AFTPH: variants seen among roughly 807,000 people sequenced by gnomAD.
AFTPH encodes aftiphilin protein.
AFTPH carries 7 observed loss-of-function variants against 72.5 expected under a neutral mutation model. The observed-to-expected ratio is 0.10, with a 90% CI of 0.05 to 0.18. The LOEUF (loss-of-function observed/expected upper bound fraction) is 0.18. Ranked by LOEUF, AFTPH falls within the 10% of genes least tolerant of loss-of-function variation. The probability of loss-of-function intolerance (pLI) is 1.00; values close to 1 mark genes in which losing one functional copy is unlikely to be tolerated. For synonymous variants in AFTPH, 337 were observed against 370.1 expected (o/e 0.91, Z 1.03); for missense variants, 979 against 1,060.5 (o/e 0.92, Z 1.07).
At chr2:64,570,910 T>TTCCCC (rs1672376926) in intron 5 of AFTPH, among the ~76,000 whole-genome samples, 3 of 38,594 alleles carry the variant, frequency 7.8e-5, no homozygotes, top group Non-Finnish European at 1.4e-4. Context: ...ACTTCTTTCC[T>TTCCCC]CCCCTCCCCC....
chr2:64,536,557 A>C (rs987298178), intron 1 of AFTPH, among the ~76,000 whole-genome samples: 3 of 133,984 alleles, frequency 2.2e-5, no homozygotes, highest in African/African-American at 6.2e-5. Context: ...GCAGAGCGAG[A>C]CTCCATCTTA....
At chr2:64,538,316 A>G (rs1048267639) in intron 1 of AFTPH, among the ~76,000 whole-genome samples, 4 of 152,152 alleles carry the variant, frequency 2.6e-5, no homozygotes, top group Admixed American at 2.6e-4. Context: ...AGGAAAAAGT[A>G]AAACTTTAAA....
At chr2:64,590,814 A>G (rs1024806209) in intron 8 of AFTPH, among the ~76,000 whole-genome samples, 7 of 152,172 alleles carry the variant, frequency 4.6e-5, no homozygotes, top group African/African-American at 1.4e-4. Flanking sequence ...GGTAACAGAA[A>G]AGTCCTAGGA....
rs202012052 is a variant in AFTPH at position 64,576,766 on chromosome 2, TG to T, written c.2395-2719del. Among the ~76,000 whole-genome samples, 295 of 152,184 alleles carry T rather than the reference TG, an allele frequency of 1.9e-3. 4 individuals are homozygous for T. Among genetic ancestry groups the T allele is most frequent in the African/African-American group, 6.5e-3 (271 of 41,504 alleles). ...TGTAGTTCCATGCTCACTTTTTTTTTGTTGTTTTTGAAACAAGAGTTTTGCT... is the reference window on the plus strand; with the variant it reads ...TGTAGTTCCATGCTCACTTTTTTTTTTTGTTTTTGAAACAAGAGTTTTGCT... On this transcript the variant is annotated intron_variant, in intron 6 of 8. Transcript: ENST00000238856.
chr2:64,579,171 T>C (rs1673010385), intron 6 of AFTPH, among the ~76,000 whole-genome samples: 1 of 152,172 alleles, frequency 6.6e-6, no homozygotes. Flanking sequence ...ATCACATCAA[T>C]AGTTGAAATC....
intron 2 of AFTPH, among the ~76,000 whole-genome samples, chr2:64,557,139 A>G (rs953290023): frequency 6.6e-6 from 1 of 152,190 alleles, no homozygotes; most frequent in Admixed American, 6.5e-5. Flanking sequence ...TGTTTCAGAA[A>G]GAAATCTTGA....
chr2:64,591,686 C>T (rs182788889), intron 8 of AFTPH, among the ~76,000 whole-genome samples: 4 of 152,076 alleles, frequency 2.6e-5, no homozygotes, highest in Admixed American at 2.0e-4. Context: ...ATAAATAGGC[C>T]GCACGTCACT....
At chr2:64,573,054 T>C in exon 6 of AFTPH, 1 of 1,613,916 alleles carries the variant, frequency 6.2e-7, no homozygotes, top group Non-Finnish European at 8.5e-7. Context: ...CACATGTACA[T>C]CTGATCAGTT....
intron 2 of AFTPH, among the ~76,000 whole-genome samples, chr2:64,559,952 C>T (rs1296461763): frequency 2.0e-5 from 3 of 152,184 alleles, no homozygotes; most frequent in Non-Finnish European, 4.4e-5. Context: ...AATCTGCCTG[C>T]CTCTGCCTCC....
chr2:64,536,991 T>G (rs1167700226), intron 1 of AFTPH, among the ~76,000 whole-genome samples: 2 of 149,692 alleles, frequency 1.3e-5, no homozygotes, highest in Non-Finnish European at 3.0e-5. Flanking sequence ...AGAAGAAGAA[T>G]GCTTTTCAGA....
chr2:64,583,128 A>G (rs1362878420), intron 7 of AFTPH, among the ~76,000 whole-genome samples: 4 of 152,160 alleles, frequency 2.6e-5, no homozygotes, highest in African/African-American at 9.7e-5. Flanking sequence ...AGCTACAGGT[A>G]TCAACACCTT....
chr2:64,592,491 AT>A (rs1344311364), exon 9 of AFTPH: 2 of 151,826 alleles, frequency 1.3e-5, no homozygotes, highest in Non-Finnish European at 2.9e-5. Flanking sequence ...CCCCCATTTA[AT>A]TTTTTTTTAA....
chr2:64,525,698 G>A (rs1669217868), intron 1 of AFTPH: 1 of 151,988 alleles, frequency 6.6e-6, no homozygotes, highest in Admixed American at 6.6e-5. Flanking sequence ...TAAACTCTAG[G>A]GACAACAAAT....
chr2:64,589,749 A>G (rs906981081), intron 8 of AFTPH, among the ~76,000 whole-genome samples: 2 of 152,188 alleles, frequency 1.3e-5, no homozygotes, highest in Non-Finnish European at 2.9e-5. Context: ...GGGAAAGTCC[A>G]TTTAGGTGCG....
At chr2:64,526,903 CTG>C (rs1669304838) in intron 1 of AFTPH, among the ~76,000 whole-genome samples, 1 of 152,224 alleles carries the variant, frequency 6.6e-6, no homozygotes, top group African/African-American at 2.4e-5. Flanking sequence ...AGAGAGGAAA[CTG>C]AGGCACACAG....
exon 9 of AFTPH, chr2:64,592,299 T>C (rs1188672177): frequency 1.2e-5 from 3 of 253,506 alleles, no homozygotes; most frequent in Non-Finnish European, 2.2e-5. Context: ...GGTGTATACA[T>C]TTATGTCTTT....
intron 1 of AFTPH, among the ~76,000 whole-genome samples, chr2:64,544,755 T>C (rs1480296908): frequency 1.3e-5 from 2 of 152,150 alleles, no homozygotes; most frequent in East Asian, 3.9e-4. Flanking sequence ...TTCTGGAAAG[T>C]TTTGAGTCTC....
At chr2:64,568,513 A>G (rs979785541) in intron 3 of AFTPH, among the ~76,000 whole-genome samples, 3 of 152,202 alleles carry the variant, frequency 2.0e-5, no homozygotes, top group Non-Finnish European at 2.9e-5. Flanking sequence ...ATATCCTCCA[A>G]TAGCCTTCTG....
At chr2:64,573,408 C>T (rs1221995902) in intron 6 of AFTPH, among the ~76,000 whole-genome samples, 1 of 139,608 alleles carries the variant, frequency 7.2e-6, no homozygotes, top group Non-Finnish European at 1.5e-5. Context: ...TAATTACTGA[C>T]ACAAATCTGG....
Sources: gnomAD v4.1 joint callset for allele counts (sites outside exome capture counted in the v4.1 genomes callset) on GRCh38, gnomAD v4.1.1 for gene constraint, MANE v1.5 for transcripts, NCBI Gene and HGNC (gene_info 2026-07-23, HGNC 2026-07-21) for gene names.